Variants in DMD observed in about 807,000 individuals in gnomAD.
DMD encodes the protein dystrophin.
Under a neutral mutation model 330.1 loss-of-function variants are expected in DMD, and 63 were observed. The observed-to-expected ratio is 0.19, with a 90% CI of 0.16 to 0.24. The LOEUF (loss-of-function observed/expected upper bound fraction) is 0.24, where lower values mean the gene tolerates loss of function less well. Among genes scored for constraint, DMD ranks in the 10% least tolerant of loss-of-function variants. DMD has a pLI of 1.00. For missense variants in DMD, 3,344 were observed against 2,684.1 expected (o/e 1.25, Z -5.43); for synonymous variants, 1,223 against 959.8 (o/e 1.27, Z -5.07).
chrX:33,242,169 G>A (rs993069839), intron 1 of DMD, among the ~76,000 whole-genome samples: 3 of 111,506 alleles, frequency 2.7e-5, no homozygotes. Flanking sequence ...GCATGACTAA[G>A]TTCTTTAGTG....
At chrX:33,315,285 T>G (rs1173363405) in intron 1 of DMD, among the ~76,000 whole-genome samples, 1 of 112,519 alleles carries the variant, frequency 8.9e-6, no homozygotes, top group East Asian at 2.8e-4. Flanking sequence ...GTTCAAACTC[T>G]GTACATTCCA....
chrX:32,544,855 A>T (rs1027492337), intron 17 of DMD, among the ~76,000 whole-genome samples: 3 of 110,594 alleles, frequency 2.7e-5, no homozygotes, highest in African/African-American at 9.8e-5. Context: ...AAGAAAAAAA[A>T]AAAAGAAAGA....
chrX:32,461,065 G>A (rs1047831296), intron 25 of DMD, among the ~76,000 whole-genome samples: 4 of 111,037 alleles, frequency 3.6e-5, no homozygotes, highest in African/African-American at 9.8e-5. Flanking sequence ...TTAGATCATG[G>A]GATGTGAAAG....
intron 47 of DMD, among the ~76,000 whole-genome samples, chrX:31,898,364 A>T (rs1427603840): frequency 1.8e-5 from 2 of 110,075 alleles, no homozygotes; most frequent in Non-Finnish European, 3.8e-5. Flanking sequence ...CCTGACTTCA[A>T]ACTATACTAC....
intron 44 of DMD, among the ~76,000 whole-genome samples, chrX:32,202,476 C>G (rs2097045415): frequency 9.0e-6 from 1 of 111,696 alleles, no homozygotes; most frequent in Non-Finnish European, 1.9e-5. Context: ...CTCAGCCTCC[C>G]AAGTAGCTGG....
intron 55 of DMD, among the ~76,000 whole-genome samples, chrX:31,613,782 T>G (rs757322618): frequency 9.0e-6 from 1 of 111,443 alleles, no homozygotes; most frequent in African/African-American, 3.3e-5. Flanking sequence ...TTTGGGGTAG[T>G]TCCATATCTT....
intron 2 of DMD, among the ~76,000 whole-genome samples, chrX:32,903,014 G>A (rs2086405278): frequency 9.3e-6 from 1 of 106,998 alleles, no homozygotes. Context: ...AAAATTAGCT[G>A]GGCTTGGTGG....
chrX:32,891,799 G>T (rs1346612551), intron 2 of DMD, among the ~76,000 whole-genome samples: 7 of 102,613 alleles, frequency 6.8e-5, no homozygotes, highest in East Asian at 3.5e-4. Context: ...CAACTCCAAG[G>T]CTGGATGGCA....
chrX:33,301,711 T>G (rs2053665214), intron 1 of DMD, among the ~76,000 whole-genome samples: 1 of 111,505 alleles, frequency 9.0e-6, no homozygotes, highest in Non-Finnish European at 1.9e-5. Context: ...TGTCCTCCCA[T>G]AGTGGAAGTG....
intron 26 of DMD, among the ~76,000 whole-genome samples, chrX:32,452,421 GGGAAAGGGAAAGGGAAAGGGAAAGGAAA>G (rs2098336489): frequency 7.4e-5 from 2 of 27,001 alleles, no homozygotes; most frequent in African/African-American, 3.3e-4. Flanking sequence ...GAAAGGGAAA[GGGAAAGGGAAAGGGAAAGGGAAAGGAAA>G]GGAAAGGAAA....
intron 42 of DMD, among the ~76,000 whole-genome samples, chrX:32,290,343 G>T (rs1456730): frequency 0.13 from 14,214 of 111,163 alleles, 896 homozygotes; most frequent in Admixed American, 0.25. Context: ...TCAAGTAGCC[G>T]GTATATACCA....
At chrX:32,141,259 C>T (rs1795584) in intron 44 of DMD, among the ~76,000 whole-genome samples, 28,935 of 96,157 alleles carry the variant, frequency 0.3, 3,681 homozygotes, top group Non-Finnish European at 0.38. Flanking sequence ...AACCCCGTCT[C>T]TACTAAAAAT....
chrX:32,556,872 C>T (rs967963224), intron 16 of DMD, among the ~76,000 whole-genome samples: 1 of 111,674 alleles, frequency 9.0e-6, no homozygotes, highest in South Asian at 3.7e-4. Flanking sequence ...TATTTAGATA[C>T]TTACTAGAAA....
At chrX:31,860,784 G>A (rs1290820981) in intron 48 of DMD, among the ~76,000 whole-genome samples, 2 of 112,376 alleles carry the variant, frequency 1.8e-5, no homozygotes, top group African/African-American at 6.5e-5. Context: ...CAGGCTCTTT[G>A]CAAAGACAAA....
intron 60 of DMD, among the ~76,000 whole-genome samples, chrX:31,389,686 A>G (rs768939647): frequency 1.8e-5 from 2 of 112,497 alleles, no homozygotes; most frequent in South Asian, 7.4e-4. Context: ...GTGCTTTGTG[A>G]AATGTAAAGA....
intron 1 of DMD, among the ~76,000 whole-genome samples, chrX:33,142,722 A>T (rs1433930971): frequency 8.9e-6 from 1 of 112,584 alleles, no homozygotes; most frequent in South Asian, 3.7e-4. Context: ...ATTAAATGTT[A>T]TATCCTTAGA....
chrX:31,330,837 G>A (rs986693498), intron 61 of DMD, among the ~76,000 whole-genome samples: 12 of 111,061 alleles, frequency 1.1e-4, no homozygotes, highest in Non-Finnish European at 2.3e-4. Flanking sequence ...TTGATGTGAC[G>A]CATATAGTTC....
chrX:32,968,935 A>T (rs1016220435), intron 2 of DMD, among the ~76,000 whole-genome samples: 1 of 98,495 alleles, frequency 1.0e-5, no homozygotes, highest in African/African-American at 3.7e-5. Context: ...AGGCTGAGGC[A>T]GAGAATTGCT....
At chrX:31,402,706 T>C (rs1023488879) in intron 60 of DMD, among the ~76,000 whole-genome samples, 6 of 112,162 alleles carry the variant, frequency 5.3e-5, no homozygotes, top group African/African-American at 1.9e-4. Flanking sequence ...TCTGTCTTAC[T>C]GCTCTCAGCA....
Sources: gnomAD v4.1 joint callset for allele counts (sites outside exome capture counted in the v4.1 genomes callset) on GRCh38, gnomAD v4.1.1 for gene constraint, MANE v1.5 for transcripts, NCBI Gene and HGNC (gene_info 2026-07-23, HGNC 2026-07-21) for gene names.